The following CSMD1 variants were observed in gnomAD, a reference collection of about 807,000 sequenced individuals.
The protein encoded by CSMD1 is CUB and Sushi multiple domains 1.
In CSMD1, 213 loss-of-function variants were observed where a neutral mutation model predicts 417.5. The ratio of observed to expected loss-of-function variants is 0.51; its 90% CI spans 0.46 to 0.57. CSMD1 has a LOEUF of 0.57. CSMD1 is among the 20% of genes least tolerant of loss of function. The pLI is 0.00. For missense variants in CSMD1, 6,923 were observed against 4,529.7 expected, an observed-to-expected ratio of 1.53 and a Z score of -15.17; for synonymous variants, 2,862 against 1,736.8, an observed-to-expected ratio of 1.65 and a Z score of -16.11.
At chr8:4,026,683 G>A (rs999996087) in intron 4 of CSMD1, among the ~76,000 whole-genome samples, 6 of 152,188 alleles carry the variant, frequency 3.9e-5, no homozygotes, top group Non-Finnish European at 5.9e-5. Context: ...ATATAAAATA[G>A]CAATCAGACA....
chr8:4,173,600 G>A (rs570870214), intron 3 of CSMD1, among the ~76,000 whole-genome samples: 3 of 152,180 alleles, frequency 2.0e-5, no homozygotes, highest in East Asian at 3.9e-4. Flanking sequence ...GGGTTTAAAA[G>A]TTATTAGATA....
intron 4 of CSMD1, among the ~76,000 whole-genome samples, chr8:4,027,273 G>C (rs2688358): frequency 1.6e-4 from 25 of 152,136 alleles, no homozygotes; most frequent in Non-Finnish European, 3.2e-4. Context: ...TTAGGATGAA[G>C]ATGGATGTTA....
intron 18 of CSMD1, among the ~76,000 whole-genome samples, chr8:3,377,294 G>A (rs1011273902): frequency 6.6e-6 from 1 of 152,136 alleles, no homozygotes; most frequent in Non-Finnish European, 1.5e-5. Context: ...TTACAGGCAT[G>A]AGCCACCATG....
intron 1 of CSMD1, among the ~76,000 whole-genome samples, chr8:4,740,829 T>A (rs955815172): frequency 2.0e-5 from 3 of 152,236 alleles, no homozygotes; most frequent in African/African-American, 4.8e-5. Flanking sequence ...AGTTTCAGGA[T>A]GAATCTTAAA....
chr8:3,948,770 T>C (rs927908720), intron 5 of CSMD1, among the ~76,000 whole-genome samples: 1 of 152,160 alleles, frequency 6.6e-6, no homozygotes, highest in African/African-American at 2.4e-5. Flanking sequence ...ATTTCTTCAA[T>C]ATGACTATTA....
chr8:3,849,608 T>C lies in CSMD1; in HGVS notation c.819-95566A>G, dbSNP rs551934721. Among the ~76,000 whole-genome samples the C allele has an allele frequency of 2.4e-3, 371 of 152,248 alleles. 3 individuals carry two copies. Among genetic ancestry groups the C allele is most frequent in the Non-Finnish European group, 2.8e-3 (190 of 68,010 alleles). Reference sequence around the variant, plus strand: ...CACATGGGAAAAGAACAGTGATTCCTGGGCCTGTCTGCTGGAGCCTACCTG... The same window carrying C: ...CACATGGGAAAAGAACAGTGATTCCCGGGCCTGTCTGCTGGAGCCTACCTG... On this transcript the variant is annotated intron_variant, in intron 5 of 69. Coordinates refer to ENST00000635120, the MANE Select transcript of CSMD1 (RefSeq NM_033225.6).
intron 5 of CSMD1, among the ~76,000 whole-genome samples, chr8:3,874,032 A>C (rs551550362): frequency 2.6e-5 from 4 of 152,274 alleles, no homozygotes; most frequent in African/African-American, 9.6e-5. Context: ...TCAAATTAGC[A>C]TCTGTAAAGC....
intron 18 of CSMD1, among the ~76,000 whole-genome samples, chr8:3,379,781 A>C (rs562818305): frequency 1.3e-5 from 2 of 152,344 alleles, no homozygotes; most frequent in Non-Finnish European, 2.9e-5. Flanking sequence ...ATAAGACCTA[A>C]AACCATAAAA....
intron 23 of CSMD1, among the ~76,000 whole-genome samples, chr8:3,341,369 A>G (rs1807630485): frequency 6.6e-6 from 1 of 152,236 alleles, no homozygotes; most frequent in Admixed American, 6.5e-5. Flanking sequence ...TCCAGTATGC[A>G]TAAATCTTCT....
At chr8:4,737,856 T>G (rs1369580441) in intron 1 of CSMD1, among the ~76,000 whole-genome samples, 1 of 152,138 alleles carries the variant, frequency 6.6e-6, no homozygotes, top group African/African-American at 2.4e-5. Context: ...AGTCAAATAT[T>G]GCAACCCACA....
chr8:4,077,359 A>G (rs1162905722), intron 3 of CSMD1, among the ~76,000 whole-genome samples: 6 of 141,098 alleles, frequency 4.3e-5, no homozygotes, highest in East Asian at 3.9e-4. Flanking sequence ...TATATTTTTT[A>G]TCAGAGGTAT....
At chr8:3,501,213 T>A (rs1796586008) in intron 10 of CSMD1, among the ~76,000 whole-genome samples, 2 of 152,170 alleles carry the variant, frequency 1.3e-5, no homozygotes, top group African/African-American at 4.8e-5. Context: ...ATCTCTATGA[T>A]CTTTGCCTCT....
chr8:4,809,762 G>A lies in CSMD1; in HGVS notation c.86-172204C>T, dbSNP rs377219788. On this transcript the variant is annotated intron_variant, in intron 1 of 69. Coordinates refer to ENST00000635120, the MANE Select transcript of CSMD1 (RefSeq NM_033225.6). ...ATAAGTGAAAATTGAGATAATTCAT[G>A]TTTTTTTACACTAAATATTTGAAAT... Among the ~76,000 whole-genome samples the A allele has an allele frequency of 1.5e-3, 227 of 152,240 alleles. 1 individual carries two copies. Among genetic ancestry groups the A allele is most frequent in the African/African-American group, 5.3e-3 (222 of 41,522 alleles).
intron 3 of CSMD1, among the ~76,000 whole-genome samples, chr8:4,209,728 C>T (rs1053624908): frequency 3.3e-5 from 5 of 152,322 alleles, no homozygotes; most frequent in Non-Finnish European, 4.4e-5. Context: ...GAAGCAGCAC[C>T]AGATGTCCTG....
intron 1 of CSMD1, 67 bp downstream of exon 1, chr8:4,994,265 C>A (rs3860871): frequency 1.5e-5 from 22 of 1,462,008 alleles, no homozygotes; most frequent in Non-Finnish European, 1.9e-5. Flanking sequence ...AAAACGCACA[C>A]TCGCGTCCGC....
chr8:3,822,985 G>C (rs1030487704), intron 5 of CSMD1, among the ~76,000 whole-genome samples: 2 of 152,118 alleles, frequency 1.3e-5, no homozygotes, highest in Non-Finnish European at 2.9e-5. Context: ...TATTGCCCAG[G>C]TTCCCTTTGG....
At chr8:4,309,298 A>G (rs188959154) in intron 3 of CSMD1, among the ~76,000 whole-genome samples, 1 of 152,124 alleles carries the variant, frequency 6.6e-6, no homozygotes, top group Non-Finnish European at 1.5e-5. Flanking sequence ...ATATAATTGC[A>G]CTGTCTATTT....
At chr8:3,092,679 G>T (rs1181409532) in intron 47 of CSMD1, among the ~76,000 whole-genome samples, 2 of 152,172 alleles carry the variant, frequency 1.3e-5, no homozygotes, top group African/African-American at 4.8e-5. Flanking sequence ...TGAAAGTATA[G>T]GTAAGAAAAG....
intron 1 of CSMD1, among the ~76,000 whole-genome samples, chr8:4,960,002 C>A (rs968947832): frequency 6.6e-6 from 1 of 152,136 alleles, no homozygotes; most frequent in African/African-American, 2.4e-5. Context: ...TCTCTTTGCT[C>A]ACTAGGATGC....
Sources: allele counts gnomAD v4.1 joint callset (sites outside exome capture counted in the v4.1 genomes callset), GRCh38; gene constraint gnomAD v4.1.1; transcripts MANE v1.5; gene names NCBI Gene and HGNC (gene_info 2026-07-23, HGNC 2026-07-21).